Variants in SLC25A48 observed in about 807,000 individuals in gnomAD.
SLC25A48 encodes the protein CTC-321K16.1.
SLC25A48 carries 29 observed loss-of-function variants against 32.2 expected under a neutral mutation model. That is an observed-to-expected ratio of 0.90 (90% confidence interval 0.67 to 1.23). The LOEUF (loss-of-function observed/expected upper bound fraction) is 1.23. SLC25A48 is among the 50% of genes most tolerant of loss of function. The probability of loss-of-function intolerance (pLI) is 0.00; values close to 1 mark genes in which losing one functional copy is unlikely to be tolerated. For missense variants in SLC25A48, 399 were observed against 422.7 expected (o/e 0.94, Z 0.49); for synonymous variants, 164 against 172.3 (o/e 0.95, Z 0.38).
intron 3 of SLC25A48, among the ~76,000 whole-genome samples, chr5:135,758,665 G>T (rs1755983780): frequency 6.6e-6 from 1 of 150,438 alleles, no homozygotes; most frequent in Non-Finnish European, 1.5e-5. Flanking sequence ...AACACACTAT[G>T]ATATTAATAG....
intron 2 of SLC25A48, among the ~76,000 whole-genome samples, chr5:135,849,768 A>T (rs1182619433): frequency 6.6e-6 from 1 of 152,180 alleles, no homozygotes; most frequent in Non-Finnish European, 1.5e-5. Flanking sequence ...GGCTGGAGGC[A>T]GGAAAGAATT....
chr5:135,835,963 G>A (rs1394861877), intron 1 of SLC25A48, among the ~76,000 whole-genome samples: 3 of 152,200 alleles, frequency 2.0e-5, no homozygotes, highest in African/African-American at 4.8e-5. Context: ...GGGTGGGGCT[G>A]AGACCCGCCT....
At chr5:135,772,969 T>G (rs4318773) in intron 3 of SLC25A48, among the ~76,000 whole-genome samples, 45,755 of 151,016 alleles carry the variant, frequency 0.3, 7,065 homozygotes, top group East Asian at 0.46. Context: ...TACACCTCTC[T>G]GTGATATTGT....
At chr5:135,595,972 A>G (rs1751641319) in intron 1 of SLC25A48, among the ~76,000 whole-genome samples, 1 of 152,186 alleles carries the variant, frequency 6.6e-6, no homozygotes, top group South Asian at 2.1e-4. Flanking sequence ...CCCAGAGTGG[A>G]CATCATCAGG....
chr5:135,634,896 A>G (rs1388281038), exon 3 of SLC25A48: 1 of 152,278 alleles, frequency 6.6e-6, no homozygotes, highest in African/African-American at 2.4e-5. Flanking sequence ...TCTAAAGACC[A>G]AGAACTCTGG....
At chr5:135,725,673 A>G (rs1358500032) in intron 3 of SLC25A48, among the ~76,000 whole-genome samples, 1 of 152,162 alleles carries the variant, frequency 6.6e-6, no homozygotes, top group Non-Finnish European at 1.5e-5. Context: ...CACAGCAGTC[A>G]GAGGTGTTAG....
At chr5:135,593,695 C>CCTACTCCAGATATTCTTTTAAGA in intron 1 of SLC25A48, among the ~76,000 whole-genome samples, 1 of 152,136 alleles carries the variant, frequency 6.6e-6, no homozygotes, top group East Asian at 1.9e-4. Context: ...AGGAGTAGTC[C>CCTACTCCAGATATTCTTTTAAGA]CTACTCCAGA....
rs1289078962 is a variant in SLC25A48, at chr5:135,886,636, TAA to T, written c.*8-1393_*8-1392del. 3.7e-4 allele frequency among the ~76,000 whole-genome samples: 11 copies of T among 30,128 alleles called. 1 individual carries two copies. The highest frequency in any genetic ancestry group is 1.2e-3 in the African/African-American group (7 of 5,656). The allele number at this position is 30,128 out of a possible 152,430, so 19.8% of individuals were successfully genotyped here. A position where few individuals can be genotyped will look rare whatever the true frequency, so the allele number is the denominator to read the frequency against. On this transcript the variant is annotated intron_variant, in intron 7 of 7. Coordinates refer to ENST00000681962, the MANE Select transcript of SLC25A48 (RefSeq NM_001349336.2). ...ATATATATATATATATATATATATA[TAA>T]AATATATATATGTGTGTGTGTGTGT...
In SLC25A48 at chr5:135,732,425, C is replaced by G. The variant is rs186518598; in HGVS notation, c.-520-80098C>G. 1.9e-4 allele frequency among the ~76,000 whole-genome samples: 29 copies of G among 152,292 alleles called. No homozygotes were observed. The East Asian group carries it at 3.9e-3, about 20-fold the overall frequency. Reference sequence around the variant, plus strand: ...TACCTATCCAGTGATAGTGTCTACCCAGACCAGAGGTATTTTAGTTTCCTG... The same window carrying G: ...TACCTATCCAGTGATAGTGTCTACCGAGACCAGAGGTATTTTAGTTTCCTG... On this transcript the variant is annotated intron_variant, in intron 3 of 10. Coordinates refer to the SLC25A48 transcript ENST00000646290.
intron 3 of SLC25A48, among the ~76,000 whole-genome samples, chr5:135,736,409 G>A (rs921687436): frequency 6.6e-6 from 1 of 152,142 alleles, no homozygotes; most frequent in East Asian, 1.9e-4. Flanking sequence ...TTTAGGTCAG[G>A]TGTGAGTTGA....
chr5:135,797,626 AT>A (rs1561497972), intron 3 of SLC25A48, among the ~76,000 whole-genome samples: 1 of 151,868 alleles, frequency 6.6e-6, no homozygotes, highest in East Asian at 1.9e-4. Flanking sequence ...GACTTCCAGT[AT>A]CACAGGGAGT....
Position 135,631,764 on chromosome 5 carries a change from ATGT to A in SLC25A48, c.-709+2393_-709+2395del, listed in dbSNP as rs1482522664. The stretch of plus-strand genomic sequence containing the variant: ...CTGTTTTGAGGATGATTCATTTAAA[ATGT>A]TGTTCTATGAGGTTGCTTTGCAATT... On this transcript the variant is annotated intron_variant, in intron 2 of 10. Coordinates refer to the SLC25A48 transcript ENST00000646290. Among the ~76,000 whole-genome samples, 5 of 152,346 alleles carry A rather than the reference ATGT, an allele frequency of 3.3e-5. No homozygotes were observed. The East Asian group carries it at 5.8e-4, about 18-fold the overall frequency.
chr5:135,700,791 G>T (rs1439919386), intron 3 of SLC25A48, among the ~76,000 whole-genome samples: 1 of 152,238 alleles, frequency 6.6e-6, no homozygotes, highest in African/African-American at 2.4e-5. Flanking sequence ...CATGTCTGCA[G>T]CTCTAGCAGG....
intron 3 of SLC25A48, among the ~76,000 whole-genome samples, chr5:135,677,406 T>C (rs6873251): frequency 0.75 from 114,397 of 151,862 alleles, 43,578 homozygotes; most frequent in Middle Eastern, 0.86. Context: ...TATGTCTTTT[T>C]AGTGGAGAAT....
chr5:135,873,192 T>C (rs76510898), intron 5 of SLC25A48, among the ~76,000 whole-genome samples: 9,590 of 152,260 alleles, frequency 0.063, 735 homozygotes, highest in African/African-American at 0.18. Flanking sequence ...CAGGATAGGC[T>C]GAGGGCCAAG....
chr5:135,770,466 C>T (rs890392641), intron 3 of SLC25A48, among the ~76,000 whole-genome samples: 6 of 151,252 alleles, frequency 4.0e-5, no homozygotes, highest in African/African-American at 1.5e-4. Flanking sequence ...TATCCATAGG[C>T]GGGAAGGGTG....
intron 3 of SLC25A48, among the ~76,000 whole-genome samples, chr5:135,788,467 G>A (rs536719381): frequency 6.7e-6 from 1 of 149,670 alleles, no homozygotes; most frequent in African/African-American, 2.5e-5. Context: ...TTATATTCGT[G>A]GGGGGAGAGG....
chr5:135,882,570 C>G (rs1266700630), intron 7 of SLC25A48, among the ~76,000 whole-genome samples: 1 of 152,174 alleles, frequency 6.6e-6, no homozygotes, highest in Admixed American at 6.5e-5. Flanking sequence ...TCACCCAGCT[C>G]CCAGCAGTTG....
At chr5:135,587,640 C>T (rs1751398132) in intron 1 of SLC25A48, among the ~76,000 whole-genome samples, 1 of 152,136 alleles carries the variant, frequency 6.6e-6, no homozygotes, top group Non-Finnish European at 1.5e-5. Context: ...TAAATACTAG[C>T]CTTCATGAAT....
Sources: gnomAD v4.1 joint callset for allele counts (sites outside exome capture counted in the v4.1 genomes callset) on GRCh38, gnomAD v4.1.1 for gene constraint, MANE v1.5 for transcripts, NCBI Gene and HGNC (gene_info 2026-07-23, HGNC 2026-07-21) for gene names.